Variants in VPS13C observed in about 807,000 individuals in gnomAD.
VPS13C encodes the protein vacuolar protein sorting 13 homolog C.
VPS13C carries 358 observed loss-of-function variants against 456.8 expected under a neutral mutation model. The ratio of observed to expected loss-of-function variants is 0.78; its 90% CI spans 0.72 to 0.86. VPS13C has a LOEUF of 0.86. Among genes scored for constraint, VPS13C ranks in the 40% least tolerant of loss-of-function variants. The pLI, the probability that VPS13C is intolerant of heterozygous loss-of-function variation, is 0.00. For missense variants in VPS13C, 4,818 were observed against 4,385.4 expected, an observed-to-expected ratio of 1.10 and a Z score of -2.79; for synonymous variants, 1,578 against 1,486.7, an observed-to-expected ratio of 1.06 and a Z score of -1.41.
rs1567136994 is a variant in VPS13C, at chr15:62,037,317, TTA to T, written c.188-2267_188-2266del. Among the ~76,000 whole-genome samples the T allele has an allele frequency of 1.0e-3, 72 of 71,272 alleles. 5 individuals carry two copies. Among genetic ancestry groups the T allele is most frequent in the East Asian group, 3.6e-3 (9 of 2,484 alleles). The allele number at this position is 71,272 out of a possible 152,430, so 46.8% of individuals were successfully genotyped here. On this transcript the variant is annotated intron_variant, in intron 3 of 84. Transcript: ENST00000644861. Reference sequence around the variant, plus strand: ...ATTATATAATATATATATAAATATATTATATATTATATACATTTATATATAAT... The same window carrying T: ...ATTATATAATATATATATAAATATATTATATTATATACATTTATATATAAT...
At chr15:62,008,291 T>C (rs1438159591) in intron 14 of VPS13C, among the ~76,000 whole-genome samples, 1 of 151,832 alleles carries the variant, frequency 6.6e-6, no homozygotes, top group East Asian at 1.9e-4. Flanking sequence ...CCCCAGCTAC[T>C]TGGGAGGCTG....
rs775854021 is a variant in VPS13C at position 61,981,378 on chromosome 15, C to T, written c.2130G>A (p.Lys710=). 3 of 1,611,210 alleles carry T rather than the reference C, an allele frequency of 1.9e-6. No individual in the cohort carries two copies. Among genetic ancestry groups the T allele is most frequent in the Non-Finnish European group, 2.5e-6 (3 of 1,179,066 alleles). Residue 710 remains lysine, a synonymous_variant, in exon 22 of 85, where the codon AAG becomes AAA. Transcript: ENST00000644861. ...VVPQTGFHHE[K]SDLLILDFGT... is the part of the protein sequence containing the mutation. ...CAAAATCTAAAATCAGAAGATCTGA[C>T]TTTTCATGGTGGAAACCCGTCTGTG...
intron 66 of VPS13C, 106 bp from the exon 67 acceptor site, chr15:61,890,506 T>C (rs2042617537): frequency 3.2e-6 from 3 of 946,294 alleles, no homozygotes; most frequent in Admixed American, 2.8e-5. Context: ...AGCACTACTA[T>C]AAATTGAAAA....
At chr15:62,033,368 C>T in intron 5 of VPS13C, 73 bp downstream of exon 5, 2 of 927,070 alleles carry the variant, frequency 2.2e-6, no homozygotes, top group South Asian at 5.7e-5. Context: ...CTTACAAAAG[C>T]ATCCTCTTTA....
At chr15:61,991,907 T>C in intron 16 of VPS13C, 105 bp from the exon 17 acceptor site, 2 of 1,144,510 alleles carry the variant, frequency 1.7e-6, no homozygotes, top group South Asian at 3.2e-5. Context: ...TTTTTAACGC[T>C]ACGTAACATT....
chr15:61,874,960 A>C lies in VPS13C; in HGVS notation c.10339-9T>G. 2 of 1,535,944 alleles carry C rather than the reference A, an allele frequency of 1.3e-6. No individual in the cohort carries two copies. The highest frequency in any genetic ancestry group is 1.7e-6 in the Non-Finnish European group (2 of 1,150,724). Reference sequence around the variant, plus strand: ...GGGCCTTGAACAGCACCCTGGCAAAAAAAAATAAAAAATAATCTTATTATT... The same window carrying C: ...GGGCCTTGAACAGCACCCTGGCAAACAAAAATAAAAAATAATCTTATTATT... On this transcript the variant is annotated splice_polypyrimidine_tract_variant and intron_variant, in intron 76 of 84. Transcript: ENST00000644861.
At position 61,867,011 on chromosome 15, in the gene VPS13C, G is replaced by A; in HGVS notation, c.10863+1648C>T. 1 of 941,066 alleles carries A rather than the reference G, an allele frequency of 1.1e-6. No homozygotes were observed. 58.3% of individuals were successfully genotyped at this position (941,066 alleles called of 1,614,324 possible). On this transcript the variant is annotated intron_variant, in intron 81 of 84. Transcript: ENST00000644861. The surrounding 1 kb of genome is among the most constrained non-coding windows in gnomAD (Gnocchi z 5.0). ...AAAAAGAAATTGAAACATAACTTAT[G>A]TTGAGAATTAAGAGGATACTAATTT...
Position 61,874,934 on chromosome 15 carries a change from A to G in VPS13C, c.10356T>C (p.Pro3452=). 6.3e-7 allele frequency: 1 copy of G among 1,586,716 alleles called. No homozygotes were observed. The highest frequency in any genetic ancestry group is 8.6e-7 in the Non-Finnish European group (1 of 1,168,832). Residue 3452 remains proline, a synonymous_variant, in exon 77 of 85, where the codon CCT becomes CCC. Coordinates refer to ENST00000644861, the MANE Select transcript of VPS13C (RefSeq NM_020821.3). ...YEPFQGAVQG[P]EEFAEGLVIG... is the part of the protein sequence containing the mutation. ...TCACTAACCCCTCTGCAAATTCTTC[A>G]GGGCCTTGAACAGCACCCTGGCAAA...
intron 38 of VPS13C, 107 bp from the exon 39 acceptor site, chr15:61,952,087 A>G (rs2044819318): frequency 2.3e-6 from 3 of 1,282,276 alleles, no homozygotes; most frequent in Non-Finnish European, 3.2e-6. Context: ...AAATTCACAC[A>G]ATGTTAAGAT....
intron 7 of VPS13C, 127 bp downstream of exon 7, chr15:62,023,653 T>C (rs1567122120): frequency 2.7e-6 from 3 of 1,118,732 alleles, no homozygotes; most frequent in Non-Finnish European, 3.9e-6. Flanking sequence ...TATTTTAATA[T>C]GCATTTCCAA....
chr15:61,921,987 T>C lies in VPS13C; in HGVS notation c.7022A>G (p.Glu2341Gly). 6.2e-7 allele frequency: 1 copy of C among 1,613,684 alleles called. No homozygotes were observed. The highest frequency in any genetic ancestry group is 1.1e-5 in the South Asian group (1 of 91,076). The change falls in exon 55 of 85, where the codon GAG (glutamate) becomes GGG (glycine). Residue 2341 changes from glutamate to glycine, a missense_variant. Glu to Gly is a moderately conservative substitution (Grantham distance 98). Transcript: ENST00000644861. ...CCATTGTCTCTTCCCCTCCACTCTC[T>C]CAATCAGTGGCTCCCAGACAGCATG... ...EIHAVWEPLIERVEGKRQWNL... is the reference protein window; with the variant it reads ...EIHAVWEPLIGRVEGKRQWNL...
chr15:62,024,655 T>A lies in VPS13C; in HGVS notation c.449-810A>T, dbSNP rs181449553. Among the ~76,000 whole-genome samples, 4 of 152,210 alleles carry A rather than the reference T, an allele frequency of 2.6e-5. No individual in the cohort carries two copies. The East Asian group carries it at 7.7e-4, about 29-fold the overall frequency. On this transcript the variant is annotated intron_variant, in intron 6 of 84. Coordinates refer to ENST00000644861, the MANE Select transcript of VPS13C (RefSeq NM_020821.3). ...AAATACTAATCACATCCTGTTAATCTCTTGCTCAAAATTATTTAAAGGCTC... is the reference window on the plus strand; with the variant it reads ...AAATACTAATCACATCCTGTTAATCACTTGCTCAAAATTATTTAAAGGCTC...
rs769254305 is a variant in VPS13C, at chr15:62,010,648, T to C, written c.884-49A>G. On this transcript the variant is annotated intron_variant, in intron 12 of 84. Coordinates refer to ENST00000644861, the MANE Select transcript of VPS13C (RefSeq NM_020821.3). ...AGATATGTTCATATGCTTTTACATA[T>C]AAACAAGTGTAAATAATTATGAGAA... 4.0e-6 allele frequency: 6 copies of C among 1,481,890 alleles called. No individual in the cohort carries two copies. The South Asian group carries it at 8.6e-5, about 21-fold the overall frequency. 91.8% of individuals were successfully genotyped at this position (1,481,890 alleles called of 1,614,324 possible). A position where few individuals can be genotyped will look rare whatever the true frequency, so the allele number is the denominator to read the frequency against.
At chr15:61,986,704 C>G (rs567953515) in intron 18 of VPS13C, among the ~76,000 whole-genome samples, 1 of 152,064 alleles carries the variant, frequency 6.6e-6, no homozygotes, top group South Asian at 2.1e-4. Flanking sequence ...TACTGAAAAT[C>G]TAAGGTAAAG....
At chr15:61,913,165 G>A (rs1317965163) in intron 62 of VPS13C, 146 bp downstream of exon 62, 1 of 605,840 alleles carries the variant, frequency 1.7e-6, no homozygotes, top group Non-Finnish European at 2.9e-6. Flanking sequence ...ATTTGACCCA[G>A]CCATCCCATT....
chr15:61,902,462 G>A (rs1230216134), intron 66 of VPS13C, among the ~76,000 whole-genome samples: 1 of 151,936 alleles, frequency 6.6e-6, no homozygotes. Flanking sequence ...CAAAATACCA[G>A]CAAACTGAAT....
At chr15:61,961,394 AACACAC>A (rs66786972) in intron 35 of VPS13C, among the ~76,000 whole-genome samples, 189 bp downstream of exon 35, 2,986 of 132,648 alleles carry the variant, frequency 0.023, 71 homozygotes, top group African/African-American at 0.033. Context: ...TCCAACTCAA[AACACAC>A]ACACACACAC....
In VPS13C at chr15:61,954,448, A is replaced by C. The variant is rs1001594151; in HGVS notation, c.4272T>G (p.Asn1424Lys). ...VEEIRSVDII[N>K]MLLNFEIKEV... ...CTTTAATTTCAAAATTCAGCAGCAT[A>C]TTAATGATGTCTACAGACCTAATTT... Residue 1424 changes from asparagine (N) to lysine (K), a missense_variant, in exon 38 of 85, where the codon AAT becomes AAG. Asn to Lys is a moderately conservative substitution (Grantham distance 94). Around this residue, in one of 3 missense-constraint regions of VPS13C, gnomAD observed 4,552 missense variants for 4,130.6 expected, o/e 1.10. Coordinates refer to ENST00000644861, the MANE Select transcript of VPS13C (RefSeq NM_020821.3). 6.2e-7 allele frequency: 1 copy of C among 1,606,206 alleles called. No individual in the cohort carries two copies. Among genetic ancestry groups the C allele is most frequent in the Non-Finnish European group, 8.5e-7 (1 of 1,177,538 alleles).
intron 5 of VPS13C, among the ~76,000 whole-genome samples, chr15:62,030,625 T>C (rs1321043974): frequency 1.3e-5 from 2 of 152,106 alleles, no homozygotes; most frequent in Non-Finnish European, 2.9e-5. Flanking sequence ...AATAATCACA[T>C]TGTCATAGTA....
Sources: gnomAD v4.1 joint callset for allele counts (sites outside exome capture counted in the v4.1 genomes callset) on GRCh38, gnomAD v4.1.1 for gene constraint, gnomAD v4.1.1 regional missense constraint, Gnocchi (gnomAD v3.1) non-coding constraint, MANE v1.5 for transcripts, NCBI Gene and HGNC (gene_info 2026-07-23, HGNC 2026-07-21) for gene names.